The following L2HGDH variants were observed in gnomAD, a reference collection of about 807,000 sequenced individuals.
L2HGDH encodes the protein L-2-hydroxyglutarate dehydrogenase.
Under a neutral mutation model 51.5 loss-of-function variants are expected in L2HGDH, and 34 were observed. The ratio of observed to expected loss-of-function variants is 0.66; its 90% CI spans 0.50 to 0.88. The LOEUF (loss-of-function observed/expected upper bound fraction) is 0.88. L2HGDH is among the 40% of genes least tolerant of loss of function. The pLI, the probability that L2HGDH is intolerant of heterozygous loss-of-function variation, is 0.00. For synonymous variants in L2HGDH, 198 were observed against 197.9 expected (o/e 1.00, Z -0.01); for missense variants, 558 against 571.9 (o/e 0.98, Z 0.25).
chr14:50,293,991 A>T, intron 4 of L2HGDH, 124 bp downstream of exon 4: 1 of 1,165,886 alleles, frequency 8.6e-7, no homozygotes, highest in Non-Finnish European at 1.3e-6. Context: ...CTGTCACTTC[A>T]CTACTTCTGT....
intron 3 of L2HGDH, among the ~76,000 whole-genome samples, chr14:50,301,065 C>T (rs1168660333): frequency 6.6e-6 from 1 of 152,080 alleles, no homozygotes; most frequent in Non-Finnish European, 1.5e-5. Context: ...GGCTCAAGAA[C>T]TATTTTCTAA....
chr14:50,308,589 T>A (rs1483453210), intron 1 of L2HGDH, among the ~76,000 whole-genome samples: 3 of 152,038 alleles, frequency 2.0e-5, no homozygotes, highest in Non-Finnish European at 2.9e-5. Context: ...TGGCTAAAAT[T>A]TAAAAAGTGA....
intron 5 of L2HGDH, among the ~76,000 whole-genome samples, chr14:50,281,386 C>T (rs1021729843): frequency 2.6e-5 from 4 of 151,806 alleles, no homozygotes; most frequent in African/African-American, 7.3e-5. Context: ...TGAGGTTAAG[C>T]GTTTAAGACC....
intron 5 of L2HGDH, among the ~76,000 whole-genome samples, 174 bp downstream of exon 5, chr14:50,283,697 G>A (rs763979211): frequency 1.3e-5 from 2 of 151,966 alleles, no homozygotes; most frequent in Non-Finnish European, 2.9e-5. Flanking sequence ...CAATGTAAAT[G>A]CTATTTTTTT....
rs1246119611 is a variant in L2HGDH at position 50,244,365 on chromosome 14, T to C, written c.*2693A>G. 5 of 984,708 alleles carry C rather than the reference T, an allele frequency of 5.1e-6. No individual in the cohort carries two copies. In the African/African-American group the frequency reaches 8.7e-5, roughly 17 times the overall value. The allele number at this position is 984,708 out of a possible 1,614,324, so 61.0% of individuals were successfully genotyped here. On this transcript the variant is annotated 3_prime_UTR_variant, in exon 10 of 10. Coordinates refer to ENST00000267436, the MANE Select transcript of L2HGDH (RefSeq NM_024884.3). ...ACCTGTTGTTTCCTTTTCAGGGTAT[T>C]GTACAGACTCAAATGGATTGAGGAC...
intron 9 of L2HGDH, among the ~76,000 whole-genome samples, chr14:50,249,312 T>C (rs1440518324): frequency 1.3e-5 from 2 of 152,196 alleles, no homozygotes. Context: ...GCATGTGATC[T>C]AGGGAGATAC....
chr14:50,260,961 C>T (rs1888982394), intron 9 of L2HGDH, among the ~76,000 whole-genome samples: 1 of 151,894 alleles, frequency 6.6e-6, no homozygotes, highest in Non-Finnish European at 1.5e-5. Context: ...ACTAAAAATA[C>T]AAAAAATTAG....
At chr14:50,248,075 T>C (rs990127756) in intron 9 of L2HGDH, among the ~76,000 whole-genome samples, 1 of 152,174 alleles carries the variant, frequency 6.6e-6, no homozygotes, top group African/African-American at 2.4e-5. Flanking sequence ...GATGGGATTA[T>C]AGGTGTGAAC....
At position 50,283,941 on chromosome 14, in the gene L2HGDH, G is replaced by A. The variant is rs752538208; in HGVS notation, c.633C>T (p.Gly211=). The change falls in exon 5 of 10, where the codon GGC becomes GGT. Residue 211 remains glycine (G), a synonymous_variant. Transcript: ENST00000267436. ...SFAQDFQEAG[G]SVLTNFEVKG... is the part of the protein sequence containing the mutation. The stretch of plus-strand genomic sequence containing the variant: ...TTACTTCAAAATTGGTCAAGACAGA[G>A]CCACCTGCTTCTTGGAAATCCTGGG... The A allele has an allele frequency of 1.6e-5, 26 of 1,614,064 alleles. No homozygotes were observed. In the South Asian group the frequency reaches 2.5e-4, roughly 16 times the overall value.
intron 4 of L2HGDH, among the ~76,000 whole-genome samples, chr14:50,292,699 C>T (rs964570231): frequency 6.6e-6 from 1 of 151,750 alleles, no homozygotes. Flanking sequence ...GAGTGAAACT[C>T]CATCTCAAAA....
intron 3 of L2HGDH, 24 bp downstream of exon 3, chr14:50,301,993 C>A: frequency 6.2e-7 from 1 of 1,613,084 alleles, no homozygotes; most frequent in South Asian, 1.1e-5. Flanking sequence ...GGAAATTAGT[C>A]AAGGCTCTAA....
At chr14:50,273,105 A>G (rs891113912) in intron 6 of L2HGDH, among the ~76,000 whole-genome samples, 6 of 152,192 alleles carry the variant, frequency 3.9e-5, no homozygotes, top group African/African-American at 1.4e-4. Context: ...CATGTGCAAC[A>G]ACTAATGGTT....
In L2HGDH at chr14:50,246,816, C is replaced by T. The variant is rs951279425; in HGVS notation, c.*242G>A. On this transcript the variant is annotated 3_prime_UTR_variant, in exon 10 of 10. Coordinates refer to ENST00000267436, the MANE Select transcript of L2HGDH (RefSeq NM_024884.3). ...AGCTCTCAGCTCACCTCCGTCTGCTCGGTTCAATTGATTCTCCTGCCTCAG... is the reference window on the plus strand; with the variant it reads ...AGCTCTCAGCTCACCTCCGTCTGCTTGGTTCAATTGATTCTCCTGCCTCAG... 3.9e-5 allele frequency: 20 copies of T among 508,650 alleles called. No individual in the cohort carries two copies. The highest frequency in any genetic ancestry group is 2.2e-4 in the Admixed American group (6 of 26,860). The allele number at this position is 508,650 out of a possible 1,614,324, so 31.5% of individuals were successfully genotyped here.
At chr14:50,289,109 A>AT (rs1279477046) in intron 4 of L2HGDH, among the ~76,000 whole-genome samples, 1 of 152,222 alleles carries the variant, frequency 6.6e-6, no homozygotes, top group Non-Finnish European at 1.5e-5. Context: ...TCCCACATAT[A>AT]TAACAGCCTC....
At chr14:50,295,991 G>A (rs2030021459) in intron 3 of L2HGDH, among the ~76,000 whole-genome samples, 1 of 151,812 alleles carries the variant, frequency 6.6e-6, no homozygotes, top group South Asian at 2.1e-4. Context: ...CATCCACTTC[G>A]GCCTCCCAAA....
Position 50,283,985 on chromosome 14 carries a change from G to A in L2HGDH, c.589C>T (p.Gln197Ter), listed in dbSNP as rs1566525699. 1 of 1,614,086 alleles carries A rather than the reference G, an allele frequency of 6.2e-7. No individual in the cohort carries two copies. Among genetic ancestry groups the A allele is most frequent in the Non-Finnish European group, 8.5e-7 (1 of 1,179,982 alleles). ...CPHTGIVDYR[Q>*]VALSFAQDFQ... ...TCCTGGGCAAATGACAAAGCCACCT[G>A]CCGATAGTCCACAATGCCAGTATGT... The change falls in exon 5 of 10, where the codon CAG becomes TAG. Residue 197 changes from glutamine to a stop codon, truncating the protein, a stop_gained. Coordinates refer to ENST00000267436, the MANE Select transcript of L2HGDH (RefSeq NM_024884.3). LOFTEE classifies it high-confidence loss of function.
intron 4 of L2HGDH, among the ~76,000 whole-genome samples, chr14:50,284,346 T>C (rs1377499376): frequency 6.6e-6 from 1 of 152,240 alleles, no homozygotes; most frequent in Non-Finnish European, 1.5e-5. Flanking sequence ...TTGTTCTAGC[T>C]ACTCACAATG....
In L2HGDH at chr14:50,251,934, TTC is replaced by T. The variant is rs1888376745; in HGVS notation, c.1197-4683_1197-4682del. Among the ~76,000 whole-genome samples, 7 of 152,160 alleles carry T rather than the reference TTC, an allele frequency of 4.6e-5. 1 individual carries two copies. The South Asian group carries it at 1.5e-3, about 32-fold the overall frequency. On this transcript the variant is annotated intron_variant, in intron 9 of 9. Transcript: ENST00000267436. Reference sequence around the variant, plus strand: ...AAGAAATCATATAAAGGTACAAAACTTCCTGATAACAGCAAGCACACATAAAA... The same window carrying T: ...AAGAAATCATATAAAGGTACAAAACTCTGATAACAGCAAGCACACATAAAA...
At chr14:50,256,538 A>G (rs2139945707) in intron 9 of L2HGDH, among the ~76,000 whole-genome samples, 1 of 152,118 alleles carries the variant, frequency 6.6e-6, no homozygotes, top group Admixed American at 6.6e-5. Flanking sequence ...AAAAAAATTA[A>G]AAGCATTTTT....
Sources: gnomAD v4.1 joint callset for allele counts (sites outside exome capture counted in the v4.1 genomes callset) on GRCh38, gnomAD v4.1.1 for gene constraint, MANE v1.5 for transcripts, NCBI Gene and HGNC (gene_info 2026-07-23, HGNC 2026-07-21) for gene names.